Variants in CDC23 observed in about 807,000 individuals in gnomAD.
CDC23 encodes the protein cell division cycle 23, also known as cell division cycle protein 23 homolog.
Under a neutral mutation model 81.7 loss-of-function variants are expected in CDC23, and 26 were observed. The observed-to-expected ratio is 0.32, with a 90% confidence interval of 0.23 to 0.44. The LOEUF (loss-of-function observed/expected upper bound fraction) is 0.44, where lower values mean the gene tolerates loss of function less well. Ranked by LOEUF, CDC23 falls within the 20% of genes least tolerant of loss-of-function variation. CDC23 has a pLI of 1.00. For missense variants in CDC23, 519 were observed against 728.0 expected, an observed-to-expected ratio of 0.71 and a Z score of 3.30; for synonymous variants, 267 against 270.8, an observed-to-expected ratio of 0.99 and a Z score of 0.14.
intron 14 of CDC23, 23 bp from the exon 15 acceptor site, chr5:138,189,775 C>T: frequency 6.2e-7 from 1 of 1,613,286 alleles, no homozygotes; most frequent in Non-Finnish European, 8.5e-7. Flanking sequence ...AGCAAAATTA[C>T]TGAGGTGACA....
chr5:138,195,591 AT>A (rs1287517493), intron 9 of CDC23, among the ~76,000 whole-genome samples: 20 of 57,806 alleles, frequency 3.5e-4, no homozygotes, highest in South Asian at 6.7e-4. Flanking sequence ...ATTATATATA[AT>A]ATATATTATA....
intron 9 of CDC23, among the ~76,000 whole-genome samples, chr5:138,197,001 A>G (rs115206302): frequency 0.025 from 3,684 of 146,050 alleles, 220 homozygotes; most frequent in African/African-American, 0.08. Context: ...TCCTGCCTCA[A>G]CCTCCCAAGT....
intron 6 of CDC23, 196 bp downstream of exon 6, chr5:138,200,911 A>G: frequency 1.8e-6 from 1 of 567,800 alleles, no homozygotes; most frequent in Non-Finnish European, 3.1e-6. Flanking sequence ...CAAATCCAAC[A>G]GCAACTACTG....
rs780897488 is a variant in CDC23 at position 138,201,399 on chromosome 5, T to C, written c.465A>G (p.Arg155=). 6.2e-7 allele frequency: 1 copy of C among 1,614,120 alleles called. No individual in the cohort carries two copies. Among genetic ancestry groups the C allele is most frequent in the South Asian group, 1.1e-5 (1 of 91,072 alleles). Residue 155 remains arginine (R), a synonymous_variant, in exon 5 of 16, where the codon AGA becomes AGG. Transcript: ENST00000394886. ...QVKNEALREL[R]VELSKKHQAR... is the part of the protein sequence containing the mutation. ...CTTGGTGTTTTTTGCTGAGCTCCAC[T>C]CTCAATTCTCTAAGCGCCTCATTTT...
intron 2 of CDC23, among the ~76,000 whole-genome samples, chr5:138,206,888 T>G (rs1383352498): frequency 6.7e-6 from 1 of 148,742 alleles, no homozygotes; most frequent in Admixed American, 6.7e-5. Context: ...CTTTTTTTTT[T>G]TTTTTTTTTG....
At chr5:138,200,401 G>T (rs1051734498) in intron 6 of CDC23, among the ~76,000 whole-genome samples, 1 of 152,052 alleles carries the variant, frequency 6.6e-6, no homozygotes, top group Non-Finnish European at 1.5e-5. Flanking sequence ...CAAAGTGCTA[G>T]GATTACAGGC....
At chr5:138,192,225 T>C in intron 11 of CDC23, 44 bp downstream of exon 11, 1 of 1,608,830 alleles carries the variant, frequency 6.2e-7, no homozygotes. Flanking sequence ...AAAAAGTTAT[T>C]AGCCCTTCCC....
intron 8 of CDC23, 29 bp from the exon 9 acceptor site, chr5:138,198,309 C>A: frequency 1.2e-6 from 2 of 1,601,858 alleles, no homozygotes. Flanking sequence ...ACAATATAAG[C>A]ATGAAAAAAG....
intron 9 of CDC23, among the ~76,000 whole-genome samples, chr5:138,197,327 C>T (rs1276923788): frequency 7.7e-6 from 1 of 129,648 alleles, no homozygotes. Context: ...AAAAAAAGTA[C>T]ATCTATAAAA....
At chr5:138,201,040 C>G in intron 6 of CDC23, 67 bp downstream of exon 6, 1 of 1,569,394 alleles carries the variant, frequency 6.4e-7, no homozygotes, top group Non-Finnish European at 8.7e-7. Context: ...TTCCCCACCC[C>G]TATATTACTA....
chr5:138,213,011 G>A lies in CDC23; in HGVS notation c.214C>T (p.Pro72Ser). 1 of 1,613,824 alleles carries A rather than the reference G, an allele frequency of 6.2e-7. No homozygotes were observed. The highest frequency in any genetic ancestry group is 8.5e-7 in the Non-Finnish European group (1 of 1,179,882). Residue 72 changes from proline (P) to serine (S), a missense_variant, in exon 2 of 16, where the codon CCG becomes TCG. Transcript: ENST00000394886. Reference protein sequence around the residue: ...LPALPLAELQPPPPITEEDAQ... With the variant: ...LPALPLAELQSPPPITEEDAQ... ...CTTACCTCTGTAATAGGCGGAGGCG[G>A]TTGCAGCTCGGCCAGAGGCAATGCA...
chr5:138,195,668 T>TTATATACGCATATATACATATAA (rs1561634039), intron 9 of CDC23, among the ~76,000 whole-genome samples: 10 of 106,034 alleles, frequency 9.4e-5, no homozygotes, highest in South Asian at 2.7e-4. Flanking sequence ...TACATATATT[T>TTATATACGCATATATACATATAA]TATATATGCA....
At chr5:138,201,011 C>A in intron 6 of CDC23, 96 bp downstream of exon 6, 4 of 1,408,880 alleles carry the variant, frequency 2.8e-6, no homozygotes, top group Middle Eastern at 1.9e-4. Context: ...AGAACTATAA[C>A]CAAAGCCCTG....
At chr5:138,197,531 C>T (rs1754929820) in intron 9 of CDC23, among the ~76,000 whole-genome samples, 1 of 146,956 alleles carries the variant, frequency 6.8e-6, no homozygotes, top group African/African-American at 2.6e-5. Flanking sequence ...GAGTCTCACT[C>T]TATCGCCCAG....
intron 9 of CDC23, among the ~76,000 whole-genome samples, chr5:138,195,354 C>T (rs1006859927): frequency 1.3e-5 from 2 of 150,104 alleles, no homozygotes; most frequent in South Asian, 4.2e-4. Context: ...TCTCCTTTTA[C>T]AGATGAAGGA....
rs920630731 is a variant in CDC23 at position 138,201,537 on chromosome 5, G to A, written c.416-89C>T. 4.2e-6 allele frequency: 4 copies of A among 943,734 alleles called. No individual in the cohort carries two copies. In the African/African-American group the frequency reaches 5.0e-5, roughly 12 times the overall value. The allele number at this position is 943,734 out of a possible 1,614,324, so 58.5% of individuals were successfully genotyped here. A position where few individuals can be genotyped will look rare whatever the true frequency, so the allele number is the denominator to read the frequency against. On this transcript the variant is annotated intron_variant, in intron 4 of 15. Coordinates refer to ENST00000394886, the MANE Select transcript of CDC23 (RefSeq NM_004661.4). ...TTATTTATTTATTTTTCTAGAGACA[G>A]GGTCTCGCTATGTTCCCTAGGCTGG...
intron 2 of CDC23, among the ~76,000 whole-genome samples, chr5:138,209,116 A>G (rs1241751055): frequency 6.6e-6 from 1 of 151,806 alleles, no homozygotes; most frequent in Non-Finnish European, 1.5e-5. Flanking sequence ...TCCTAGTCAC[A>G]TCTTATATTC....
chr5:138,208,691 T>C (rs1000001862), intron 2 of CDC23, among the ~76,000 whole-genome samples: 1 of 152,248 alleles, frequency 6.6e-6, no homozygotes, highest in African/African-American at 2.4e-5. Flanking sequence ...ATTTGGATTA[T>C]ATAATCTTAA....
chr5:138,191,659 T>G (rs1174866983), intron 12 of CDC23, 124 bp from the exon 13 acceptor site: 1 of 1,014,470 alleles, frequency 9.9e-7, no homozygotes, highest in East Asian at 2.4e-5. Flanking sequence ...ACATTTTTAC[T>G]AGTTCTGATA....
Sources: allele counts gnomAD v4.1 joint callset (sites outside exome capture counted in the v4.1 genomes callset), GRCh38; gene constraint gnomAD v4.1.1; transcripts MANE v1.5; gene names NCBI Gene and HGNC (gene_info 2026-07-23, HGNC 2026-07-21).